Variants in ZNF736 observed in about 807,000 individuals in gnomAD.
The protein encoded by ZNF736 is zinc finger protein 736, also known as KRAB-containing zinc-finger repressor protein.
In ZNF736, 6 loss-of-function variants were observed where a neutral mutation model predicts 11.7. That is an observed-to-expected ratio of 0.51 (90% CI 0.28 to 1.01). ZNF736 has a LOEUF of 1.01. ZNF736 is among the 50% of genes least tolerant of loss of function. The pLI, the probability that ZNF736 is intolerant of heterozygous loss-of-function variation, is 0.09. For synonymous variants in ZNF736, 139 were observed against 164.7 expected (o/e 0.84, Z 1.19); for missense variants, 444 against 496.0 (o/e 0.90, Z 1.00).
At chr7:64,319,333 GTATATATA>G (rs71060585) in intron 1 of ZNF736, among the ~76,000 whole-genome samples, 1,384 of 71,568 alleles carry the variant, frequency 0.019, 53 homozygotes, top group South Asian at 0.065. Context: ...GTGTGTATGT[GTATATATA>G]TATATATATA....
rs536121955 is a variant in ZNF736 at position 64,341,031 on chromosome 7, CTTTT to C, written c.226+4053_226+4056del. Among the ~76,000 whole-genome samples, 320 of 151,738 alleles carry C rather than the reference CTTTT, an allele frequency of 2.1e-3. 2 individuals are homozygous for C. The highest frequency in any genetic ancestry group is 7.0e-3 in the African/African-American group (290 of 41,378). ...CATATTCCGTGTTGATGTTTTTCAA[CTTTT>C]TTTGTTTTATTTTTTCATGACTCAA... On this transcript the variant is annotated intron_variant, in intron 3 of 3. Transcript: ENST00000423484.
intron 1 of ZNF736, among the ~76,000 whole-genome samples, chr7:64,331,368 C>A (rs2115911556): frequency 6.6e-6 from 1 of 152,322 alleles, no homozygotes; most frequent in Non-Finnish European, 1.5e-5. Flanking sequence ...CTCACAATCA[C>A]CGCACTCTCC....
intron 1 of ZNF736, among the ~76,000 whole-genome samples, chr7:64,326,846 T>C (rs958406378): frequency 1.1e-4 from 17 of 152,158 alleles, no homozygotes; most frequent in African/African-American, 3.9e-4. Context: ...TGTGTTTGTA[T>C]AGTTTCGAAA....
At chr7:64,347,766 G>A (rs571380286) in intron 3 of ZNF736, among the ~76,000 whole-genome samples, 2 of 152,228 alleles carry the variant, frequency 1.3e-5, no homozygotes, top group African/African-American at 2.4e-5. Flanking sequence ...ATTTTTGGAG[G>A]GGGTAGACAG....
At chr7:64,341,294 G>A (rs1263549554) in intron 3 of ZNF736, among the ~76,000 whole-genome samples, 1 of 146,120 alleles carries the variant, frequency 6.8e-6, no homozygotes, top group African/African-American at 2.5e-5. Context: ...ATTTCTTCAA[G>A]TGGGGTATGT....
At chr7:64,327,111 A>G (rs1158335862) in intron 1 of ZNF736, among the ~76,000 whole-genome samples, 1 of 152,256 alleles carries the variant, frequency 6.6e-6, no homozygotes, top group East Asian at 1.9e-4. Flanking sequence ...TGATTTTACT[A>G]TCTGGATGAT....
In ZNF736 at chr7:64,326,665, T is replaced by G. The variant is rs1238901778; in HGVS notation, c.4-9594T>G. Among the ~76,000 whole-genome samples, 3 of 152,066 alleles carry G rather than the reference T, an allele frequency of 2.0e-5. No individual in the cohort carries two copies. The East Asian group carries it at 5.8e-4, about 29-fold the overall frequency. ...AATAGTTTATTTGGAGATTTTTTTTTTAACTTTTTTTGATGTAGGCACTTA... is the reference window on the plus strand; with the variant it reads ...AATAGTTTATTTGGAGATTTTTTTTGTAACTTTTTTTGATGTAGGCACTTA... On this transcript the variant is annotated intron_variant, in intron 1 of 3. Transcript: ENST00000423484.
Position 64,315,049 on chromosome 7 carries a change from C to G in ZNF736, c.3+896C>G, listed in dbSNP as rs151015989. 6.0e-3 allele frequency among the ~76,000 whole-genome samples: 909 copies of G among 152,226 alleles called. 11 individuals are homozygous for G. Among genetic ancestry groups the G allele is most frequent in the African/African-American group, 0.02 (841 of 41,522 alleles). Reference sequence around the variant, plus strand: ...TTGTCCTCTCAATAGTGAGTGAGTTCCCTGAAGTTCATCATTTAGAAGTGT... The same window carrying G: ...TTGTCCTCTCAATAGTGAGTGAGTTGCCTGAAGTTCATCATTTAGAAGTGT... On this transcript the variant is annotated intron_variant, in intron 1 of 3. Coordinates refer to ENST00000423484, the MANE Select transcript of ZNF736 (RefSeq NM_001170905.3).
intron 1 of ZNF736, among the ~76,000 whole-genome samples, chr7:64,333,839 A>T (rs1789207672): frequency 6.6e-6 from 1 of 152,230 alleles, no homozygotes; most frequent in Non-Finnish European, 1.5e-5. Context: ...TAGTCAACAC[A>T]GTCCTAAGCA....
chr7:64,346,387 A>T (rs1789410187), intron 3 of ZNF736, among the ~76,000 whole-genome samples: 1 of 150,254 alleles, frequency 6.7e-6, no homozygotes. Context: ...TTAGATCTTG[A>T]TGTAGATCTT....
At chr7:64,327,299 T>C (rs1325382657) in intron 1 of ZNF736, among the ~76,000 whole-genome samples, 5 of 152,162 alleles carry the variant, frequency 3.3e-5, no homozygotes, top group Non-Finnish European at 5.9e-5. Flanking sequence ...TTTTTATAGT[T>C]TTTGTCTTAA....
In ZNF736 at chr7:64,348,399, G is replaced by T. The variant is rs1285685565; in HGVS notation, c.536G>T (p.Gly179Val). The stretch of plus-strand genomic sequence containing the variant: ...AAATGCCACAAATGTGAAGAATGTG[G>T]CAAAGACTGTAGGTTGTTCTCAGAT... ...REKCHKCEEC[G>V]KDCRLFSDFT... Residue 179 changes from glycine (G) to valine (V), a missense_variant, in exon 4 of 4, where the codon GGC becomes GTC. Transcript: ENST00000423484. 7.7e-6 allele frequency: 12 copies of T among 1,550,732 alleles called. No individual in the cohort carries two copies. The highest frequency in any genetic ancestry group is 1.0e-5 in the Non-Finnish European group (12 of 1,146,850).
intron 1 of ZNF736, among the ~76,000 whole-genome samples, chr7:64,315,662 G>A (rs2115856888): frequency 6.6e-6 from 1 of 152,196 alleles, no homozygotes; most frequent in South Asian, 2.1e-4. Flanking sequence ...TTATTTTAAT[G>A]CTCCACAGGG....
rs35033527 is a variant in ZNF736, at chr7:64,347,217, C to CTTTTTT, written c.227-854_227-849dup. On this transcript the variant is annotated intron_variant, in intron 3 of 3. Transcript: ENST00000423484. ...TGTTTTTTAGTTAAAAAATGTTCGC[C>CTTTTTT]TTTTTTTTTTTTTTTTTTTTTTTTG... 8.6e-4 allele frequency among the ~76,000 whole-genome samples: 48 copies of CTTTTTT among 55,862 alleles called. 1 individual carries two copies. The highest frequency in any genetic ancestry group is 1.8e-3 in the African/African-American group (24 of 13,092). 36.6% of individuals were successfully genotyped at this position (55,862 alleles called of 152,430 possible).
chr7:64,323,790 A>G (rs1210613083), intron 1 of ZNF736, among the ~76,000 whole-genome samples: 4 of 152,172 alleles, frequency 2.6e-5, no homozygotes, highest in Non-Finnish European at 5.9e-5. Context: ...AGCTTAATAC[A>G]TGGGTGATGG....
At chr7:64,332,770 A>C (rs1789189157) in intron 1 of ZNF736, among the ~76,000 whole-genome samples, 1 of 152,058 alleles carries the variant, frequency 6.6e-6, no homozygotes, top group Non-Finnish European at 1.5e-5. Context: ...TATTAATATT[A>C]ATATTCCTTG....
At chr7:64,347,892 G>T (rs926693823) in intron 3 of ZNF736, among the ~76,000 whole-genome samples, 198 bp from the exon 4 acceptor site, 4 of 152,176 alleles carry the variant, frequency 2.6e-5, no homozygotes, top group Non-Finnish European at 5.9e-5. Context: ...CACTTGGTGT[G>T]CCGCAAATGC....
chr7:64,329,256 A>G (rs1789124502), intron 1 of ZNF736, among the ~76,000 whole-genome samples: 1 of 151,904 alleles, frequency 6.6e-6, no homozygotes, highest in African/African-American at 2.4e-5. Flanking sequence ...CTAGTGCCTT[A>G]TTTAGCTCAT....
intron 3 of ZNF736, among the ~76,000 whole-genome samples, chr7:64,346,871 T>C (rs557348149): frequency 6.6e-6 from 1 of 152,164 alleles, no homozygotes; most frequent in South Asian, 2.1e-4. Flanking sequence ...TTGAGCATCA[T>C]TGAGATGTAA....
Sources: allele counts gnomAD v4.1 joint callset (sites outside exome capture counted in the v4.1 genomes callset), GRCh38; gene constraint gnomAD v4.1.1; transcripts MANE v1.5; gene names NCBI Gene and HGNC (gene_info 2026-07-23, HGNC 2026-07-21).